Variants in SPAST observed in about 807,000 individuals in gnomAD.
SPAST encodes spastin.
In SPAST, 30 loss-of-function variants were observed where a neutral mutation model predicts 76.6. That is an observed-to-expected ratio of 0.39 (90% CI 0.29 to 0.53). The LOEUF (loss-of-function observed/expected upper bound fraction) is 0.53, where lower values mean the gene tolerates loss of function less well. Ranked by LOEUF, SPAST falls within the 20% of genes least tolerant of loss-of-function variation. SPAST has a pLI of 0.68. For missense variants in SPAST, 717 were observed against 770.5 expected, an observed-to-expected ratio of 0.93 and a Z score of 0.82; for synonymous variants, 305 against 281.0, an observed-to-expected ratio of 1.09 and a Z score of -0.86.
chr2:32,127,219 G>C (rs1383469610), intron 8 of SPAST, 197 bp downstream of exon 8: 1 of 563,056 alleles, frequency 1.8e-6, no homozygotes, highest in African/African-American at 1.9e-5. Flanking sequence ...CTGGGTTCAA[G>C]CGATTTTCAT....
At position 32,087,306 on chromosome 2, in the gene SPAST, G is replaced by A. The variant is rs1461074948; in HGVS notation, c.416-186G>A. Among the ~76,000 whole-genome samples the A allele has an allele frequency of 2.0e-5, 3 of 152,086 alleles. No individual in the cohort carries two copies. The South Asian group carries it at 6.2e-4, about 32-fold the overall frequency. On this transcript the variant is annotated intron_variant, in intron 1 of 16. Transcript: ENST00000315285. ...GCCCCAAAATGTTGATAAACATCAT[G>A]ACCATATTCCCCATAATGGAGTTAC...
At chr2:32,136,426 C>T (rs1679538796) in intron 9 of SPAST, 137 bp from the exon 10 acceptor site, 1 of 700,078 alleles carries the variant, frequency 1.4e-6, no homozygotes, top group South Asian at 1.6e-5. Flanking sequence ...TAGTACTCTC[C>T]CCTTTCTCAA....
Position 32,098,971 on chromosome 2 carries a change from T to C in SPAST, c.682+80T>C, listed in dbSNP as rs111695653. On this transcript the variant is annotated intron_variant, in intron 4 of 16. Transcript: ENST00000315285. ...CTTACTTAACCTGATAATGTTGATT[T>C]GATTTTATAATGGTAGGTTTAATTG... 156 of 939,588 alleles carry C rather than the reference T, an allele frequency of 1.7e-4. No individual in the cohort carries two copies. The African/African-American group carries it at 2.3e-3, about 14-fold the overall frequency. The allele number at this position is 939,588 out of a possible 1,614,324, so 58.2% of individuals were successfully genotyped here.
At chr2:32,089,147 C>G (rs1419475280) in intron 2 of SPAST, among the ~76,000 whole-genome samples, 2 of 151,328 alleles carry the variant, frequency 1.3e-5, no homozygotes, top group Non-Finnish European at 2.9e-5. Context: ...CTGCAACATC[C>G]ACTTCCTGGG....
At chr2:32,147,770 T>C (rs554847727) in intron 16 of SPAST, among the ~76,000 whole-genome samples, 1 of 152,020 alleles carries the variant, frequency 6.6e-6, no homozygotes, top group South Asian at 2.1e-4. Flanking sequence ...TAGCTGGGAC[T>C]ACAGGCGCCC....
At chr2:32,073,371 TC>T (rs1424713641) in intron 1 of SPAST, among the ~76,000 whole-genome samples, 9 of 152,178 alleles carry the variant, frequency 5.9e-5, no homozygotes, top group Admixed American at 4.6e-4. Context: ...CCCTAACACT[TC>T]CTGCCTCTTT....
intron 7 of SPAST, chr2:32,126,670 A>C: frequency 4.1e-6 from 1 of 241,538 alleles, no homozygotes; most frequent in Admixed American, 5.2e-5. Context: ...AATTTTTTGT[A>C]GAAGCAGAGT....
chr2:32,126,469 C>CTTTTTTTTTTTTTTTTTTTTTTTT lies in SPAST; in HGVS notation c.1099-473_1099-450dup, dbSNP rs70938323. ...TACCACCGAGGAGTTGGTTTTATTT[C>CTTTTTTTTTTTTTTTTTTTTTTTT]TTTTTTTTTTTTTTTTTTTTTTTTT... On this transcript the variant is annotated intron_variant, in intron 7 of 16. Coordinates refer to ENST00000315285, the MANE Select transcript of SPAST (RefSeq NM_014946.4). 5.2e-5 allele frequency: 2 copies of CTTTTTTTTTTTTTTTTTTTTTTTT among 38,692 alleles called. 1 individual carries two copies. Among genetic ancestry groups the CTTTTTTTTTTTTTTTTTTTTTTTT allele is most frequent in the Non-Finnish European group, 9.5e-5 (2 of 21,006 alleles). The allele number at this position is 38,692 out of a possible 1,614,324, so 2.4% of individuals were successfully genotyped here. A position where few individuals can be genotyped will look rare whatever the true frequency, so the allele number is the denominator to read the frequency against.
At chr2:32,085,769 GC>G (rs1573065724) in intron 1 of SPAST, among the ~76,000 whole-genome samples, 1 of 152,044 alleles carries the variant, frequency 6.6e-6, no homozygotes, top group African/African-American at 2.4e-5. Context: ...AGGTGCGGTG[GC>G]TCGTGAGCGC....
chr2:32,105,211 A>G lies in SPAST; in HGVS notation c.682+6320A>G, dbSNP rs150725106. ...CTTCATTTCATTCATTTGATCTTCAATCACTGATACCCTTTCTTCCACTTG... is the reference window on the plus strand; with the variant it reads ...CTTCATTTCATTCATTTGATCTTCAGTCACTGATACCCTTTCTTCCACTTG... On this transcript the variant is annotated intron_variant, in intron 4 of 16. Coordinates refer to ENST00000315285, the MANE Select transcript of SPAST (RefSeq NM_014946.4). Among the ~76,000 whole-genome samples, 1,404 of 152,158 alleles carry G rather than the reference A, an allele frequency of 9.2e-3. 22 individuals are homozygous for G. Among genetic ancestry groups the G allele is most frequent in the African/African-American group, 0.032 (1,310 of 41,496 alleles).
At chr2:32,147,092 C>G in intron 15 of SPAST, 126 bp from the exon 16 acceptor site, 1 of 663,472 alleles carries the variant, frequency 1.5e-6, no homozygotes, top group East Asian at 2.7e-5. Context: ...ACATGTGTCT[C>G]TTTTTTTTAA....
chr2:32,110,667 A>ACT lies in SPAST; in HGVS notation c.683-3971_683-3970insCT, dbSNP rs1346532250. ...ATAGTATATATAGTATAGTATATAT[A>ACT]GTATATATAGTGTATATATACTGTA... On this transcript the variant is annotated intron_variant, in intron 4 of 16. Transcript: ENST00000315285. 1.9e-3 allele frequency among the ~76,000 whole-genome samples: 266 copies of ACT among 138,038 alleles called. 5 individuals are homozygous for ACT. The highest frequency in any genetic ancestry group is 7.2e-3 in the African/African-American group (263 of 36,772). The allele number at this position is 138,038 out of a possible 152,430, so 90.6% of individuals were successfully genotyped here.
intron 8 of SPAST, 63 bp from the exon 9 acceptor site, chr2:32,128,345 A>C: frequency 8.5e-7 from 1 of 1,182,528 alleles, no homozygotes; most frequent in Non-Finnish European, 1.3e-6. Flanking sequence ...ATCGGTAAAT[A>C]TGGTTATCTT....
intron 4 of SPAST, among the ~76,000 whole-genome samples, chr2:32,113,884 A>G (rs1678719727): frequency 6.6e-6 from 1 of 151,158 alleles, no homozygotes; most frequent in Non-Finnish European, 1.5e-5. Context: ...ACCTTTTTAT[A>G]TTGTCTTTCT....
At chr2:32,065,448 C>T (rs879692274) in intron 1 of SPAST, among the ~76,000 whole-genome samples, 1 of 152,024 alleles carries the variant, frequency 6.6e-6, no homozygotes, top group Non-Finnish European at 1.5e-5. Flanking sequence ...CTCACAATAA[C>T]TTTGTGAGAT....
intron 2 of SPAST, among the ~76,000 whole-genome samples, chr2:32,088,608 C>T (rs6756243): frequency 0.014 from 2,059 of 152,234 alleles, 53 homozygotes; most frequent in African/African-American, 0.047. Flanking sequence ...CGCGCCATTG[C>T]ACTCCAGCCT....
intron 9 of SPAST, among the ~76,000 whole-genome samples, chr2:32,133,646 A>G (rs370237427): frequency 2.6e-4 from 40 of 151,812 alleles, no homozygotes; most frequent in African/African-American, 8.7e-4. Flanking sequence ...TAACCTGCTT[A>G]TCTATTATTA....
Position 32,127,004 on chromosome 2 carries a change from G to T in SPAST, c.1155G>T (p.Gly385=). 6.2e-7 allele frequency: 1 copy of T among 1,612,042 alleles called. No individual in the cohort carries two copies. Among genetic ancestry groups the T allele is most frequent in the African/African-American group, 1.3e-5 (1 of 74,972 alleles). ...ARGLLLFGPP[G]NGKTMLAKAV... is the part of the protein sequence containing the mutation. ...GGCTGTTACTCTTTGGTCCACCTGG[G>T]AATGGGAAGACAATGCTGGTAAGGG... Residue 385 remains glycine, a synonymous_variant, in exon 8 of 17, where the codon GGG becomes GGT. Transcript: ENST00000315285.
At chr2:32,138,648 A>G (rs1274363125) in intron 12 of SPAST, among the ~76,000 whole-genome samples, 1 of 152,178 alleles carries the variant, frequency 6.6e-6, no homozygotes, top group African/African-American at 2.4e-5. Flanking sequence ...TTTGCTGTGC[A>G]GAAGCTCTTT....
Sources: gnomAD v4.1 joint callset for allele counts (sites outside exome capture counted in the v4.1 genomes callset) on GRCh38, gnomAD v4.1.1 for gene constraint, MANE v1.5 for transcripts, NCBI Gene and HGNC (gene_info 2026-07-23, HGNC 2026-07-21) for gene names.